LPP: variants seen among roughly 807,000 people sequenced by gnomAD.
LPP encodes lipoma-preferred partner.
LPP carries 38 observed loss-of-function variants against 60.4 expected under a neutral mutation model. The ratio of observed to expected loss-of-function variants is 0.63; its 90% CI spans 0.49 to 0.83. The LOEUF is 0.83. LPP is among the 40% of genes least tolerant of loss of function. The pLI is 0.00. For missense variants in LPP, 902 were observed against 783.6 expected, an observed-to-expected ratio of 1.15 and a Z score of -1.80; for synonymous variants, 328 against 290.8, an observed-to-expected ratio of 1.13 and a Z score of -1.30.
chr3:188,158,543 G>A (rs1577036288), intron 1 of LPP, among the ~76,000 whole-genome samples: 1 of 152,050 alleles, frequency 6.6e-6, no homozygotes, highest in Admixed American at 6.5e-5. Context: ...ATTAATGTTT[G>A]GAAGCAGGTA....
At chr3:188,385,496 C>T (rs558289964) in intron 3 of LPP, among the ~76,000 whole-genome samples, 2 of 152,122 alleles carry the variant, frequency 1.3e-5, no homozygotes, top group South Asian at 2.1e-4. Context: ...TCTGAACTTA[C>T]GTAAGTTACA....
chr3:188,333,232 G>A (rs988104010), intron 2 of LPP, among the ~76,000 whole-genome samples: 1 of 152,060 alleles, frequency 6.6e-6, no homozygotes, highest in Non-Finnish European at 1.5e-5. Flanking sequence ...ATAGATATTA[G>A]CACAACAATT....
chr3:188,381,849 G>T (rs1776986626), intron 3 of LPP, among the ~76,000 whole-genome samples: 1 of 152,002 alleles, frequency 6.6e-6, no homozygotes, highest in East Asian at 1.9e-4. Context: ...TATATGTATA[G>T]AGTCTTGCTC....
At chr3:188,645,345 C>T (rs529827538) in intron 7 of LPP, among the ~76,000 whole-genome samples, 32 of 151,494 alleles carry the variant, frequency 2.1e-4, no homozygotes, top group Non-Finnish European at 3.2e-4. Flanking sequence ...TCTTTAGATA[C>T]GTTGAAGACA....
chr3:188,337,543 G>C (rs1761991155), intron 2 of LPP, among the ~76,000 whole-genome samples: 1 of 152,186 alleles, frequency 6.6e-6, no homozygotes, highest in Non-Finnish European at 1.5e-5. Context: ...CAGGTGTTTT[G>C]TTTCTATTCT....
chr3:188,160,276 C>A (rs1047005230), intron 1 of LPP, among the ~76,000 whole-genome samples: 16 of 151,918 alleles, frequency 1.1e-4, no homozygotes, highest in African/African-American at 3.9e-4. Context: ...CTCACTGCAA[C>A]CTCCGCCTCC....
intron 9 of LPP, among the ~76,000 whole-genome samples, chr3:188,795,554 C>T (rs1745075614): frequency 6.6e-6 from 1 of 152,170 alleles, no homozygotes; most frequent in Non-Finnish European, 1.5e-5. Flanking sequence ...AGTGTTCCTT[C>T]TACAAATATT....
chr3:188,373,894 A>C lies in LPP; in HGVS notation c.-10+32175A>C, dbSNP rs191077377. On this transcript the variant is annotated intron_variant, in intron 3 of 11. Coordinates refer to ENST00000617246, the MANE Select transcript of LPP (RefSeq NM_001375462.1). ...TGAATTAATTTTTGTATAAGGTGTA[A>C]GGAAGGGATCCAATTTCAGCTTTCT... is the stretch of plus-strand genomic sequence containing the variant. Among the ~76,000 whole-genome samples, 186 of 152,226 alleles carry C rather than the reference A, an allele frequency of 1.2e-3. 1 individual carries two copies. Among genetic ancestry groups the C allele is most frequent in the African/African-American group, 4.2e-3 (173 of 41,536 alleles).
At chr3:188,397,982 C>T (rs1056684049) in intron 3 of LPP, among the ~76,000 whole-genome samples, 3 of 152,216 alleles carry the variant, frequency 2.0e-5, no homozygotes, top group East Asian at 1.9e-4. Flanking sequence ...CTTGCTGCTT[C>T]GTAGTTTATT....
At chr3:188,495,064 T>TTATATATATATATATATATATA (rs1192152538) in intron 5 of LPP, among the ~76,000 whole-genome samples, 2,378 of 53,704 alleles carry the variant, frequency 0.044, 208 homozygotes, top group Admixed American at 0.074. Flanking sequence ...GTTCAGGATT[T>TTATATATATATATATATATATA]TATATATATA....
In LPP at chr3:188,439,464, C is replaced by A. The variant is rs577997208; in HGVS notation, c.193+33151C>A. On this transcript the variant is annotated intron_variant, in intron 4 of 11. Coordinates refer to ENST00000617246, the MANE Select transcript of LPP (RefSeq NM_001375462.1). Reference sequence around the variant, plus strand: ...TTCATGTTTTGCTCCTTGGTAGTCTCGAGATAATTGACCAGTTAGGTAACT... The same window carrying A: ...TTCATGTTTTGCTCCTTGGTAGTCTAGAGATAATTGACCAGTTAGGTAACT... Among the ~76,000 whole-genome samples, 8 of 152,246 alleles carry A rather than the reference C, an allele frequency of 5.3e-5. No homozygotes were observed. The South Asian group carries it at 1.7e-3, about 32-fold the overall frequency.
intron 4 of LPP, among the ~76,000 whole-genome samples, chr3:188,444,714 A>G (rs1794813184): frequency 6.6e-6 from 1 of 152,210 alleles, no homozygotes; most frequent in Non-Finnish European, 1.5e-5. Context: ...AGAATGGGAG[A>G]AAATTTTTGC....
intron 1 of LPP, among the ~76,000 whole-genome samples, chr3:188,213,405 T>G (rs1712083331): frequency 6.6e-6 from 1 of 152,178 alleles, no homozygotes; most frequent in Non-Finnish European, 1.5e-5. Context: ...TGAAGACAGA[T>G]GGCTCATTAT....
intron 8 of LPP, among the ~76,000 whole-genome samples, chr3:188,732,028 A>C (rs1423778941): frequency 6.6e-6 from 1 of 152,180 alleles, no homozygotes; most frequent in Admixed American, 6.5e-5. Context: ...CCAGGAGGAA[A>C]AGCTGTTCAC....
chr3:188,449,204 T>C (rs1315426586), intron 4 of LPP, among the ~76,000 whole-genome samples: 2 of 152,216 alleles, frequency 1.3e-5, no homozygotes, highest in Admixed American at 6.5e-5. Context: ...CCAGATCCAC[T>C]GGGCTGAGTT....
intron 2 of LPP, among the ~76,000 whole-genome samples, chr3:188,334,997 GC>G (rs926690288): frequency 2.0e-5 from 3 of 152,118 alleles, no homozygotes; most frequent in African/African-American, 7.2e-5. Flanking sequence ...AAATCAGTTG[GC>G]TGTAAATACG....
At chr3:188,793,895 A>G (rs2151056971) in intron 9 of LPP, among the ~76,000 whole-genome samples, 1 of 152,168 alleles carries the variant, frequency 6.6e-6, no homozygotes, top group East Asian at 1.9e-4. Flanking sequence ...TTGCCTTTGC[A>G]GGACACAAGT....
chr3:188,524,574 G>A, intron 5 of LPP, 91 bp from the exon 6 acceptor site: 1 of 1,388,714 alleles, frequency 7.2e-7, no homozygotes. Context: ...GAAAAACTTG[G>A]ACAAAGCCAC....
intron 9 of LPP, among the ~76,000 whole-genome samples, chr3:188,791,877 G>A (rs1743878324): frequency 6.6e-6 from 1 of 152,044 alleles, no homozygotes; most frequent in South Asian, 2.1e-4. Context: ...CCCATTCCTT[G>A]AGGACAGGGA....
Sources: gnomAD v4.1 joint callset for allele counts (sites outside exome capture counted in the v4.1 genomes callset) on GRCh38, gnomAD v4.1.1 for gene constraint, MANE v1.5 for transcripts, NCBI Gene and HGNC (gene_info 2026-07-23, HGNC 2026-07-21) for gene names.